Variants in FN1 observed in about 807,000 individuals in gnomAD.
FN1 encodes the protein fibronectin.
FN1 carries 106 observed loss-of-function variants against 297.3 expected under a neutral mutation model. The ratio of observed to expected loss-of-function variants is 0.36; its 90% CI spans 0.30 to 0.42. The LOEUF is 0.42. Among genes scored for constraint, FN1 ranks in the 10% least tolerant of loss-of-function variants. The pLI is 1.00. For synonymous variants in FN1, 1,149 were observed against 1,152.6 expected (o/e 1.00, Z 0.06); for missense variants, 2,690 against 3,124.9 (o/e 0.86, Z 3.32).
At chr2:215,392,613 G>T in intron 25 of FN1, 1 of 376,884 alleles carries the variant, frequency 2.7e-6, no homozygotes, top group South Asian at 2.5e-5. Context: ...ATTCGTGTTT[G>T]GTATTTAAGA....
chr2:215,407,958 A>ACACACACACGC, intron 17 of FN1, 150 bp downstream of exon 17: 2 of 92,286 alleles, frequency 2.2e-5, no homozygotes, highest in East Asian at 2.9e-3. Context: ...CCCCCGCCAC[A>ACACACACACGC]CACACACACA....
At chr2:215,435,589 C>T (rs2067331212) in intron 1 of FN1, 66 bp downstream of exon 1, 2 of 1,605,014 alleles carry the variant, frequency 1.2e-6, no homozygotes, top group Non-Finnish European at 1.7e-6. Context: ...ACTTCAGCCC[C>T]AACTTTGGTC....
At position 215,401,241 on chromosome 2, in the gene FN1, A is replaced by AG. The variant is rs1341522472; in HGVS notation, c.3254-1891dup. 3.1e-3 allele frequency among the ~76,000 whole-genome samples: 152 copies of AG among 48,852 alleles called. 4 individuals are homozygous for AG. The highest frequency in any genetic ancestry group is 8.8e-3 in the African/African-American group (127 of 14,508). 32.0% of individuals were successfully genotyped at this position (48,852 alleles called of 152,430 possible). On this transcript the variant is annotated intron_variant, in intron 20 of 45. Coordinates refer to ENST00000354785, the MANE Select transcript of FN1 (RefSeq NM_212482.4). Reference sequence around the variant, plus strand: ...AAGAAAGAAAGAAAGAAAGAAAGAAAGAAAGAAAGGAAGAAAGAAAGGAAG... The same window carrying AG: ...AAGAAAGAAAGAAAGAAAGAAAGAAAGGAAAGAAAGGAAGAAAGAAAGGAAG...
chr2:215,380,785 A>G, intron 33 of FN1, 26 bp downstream of exon 33: 18 of 1,612,224 alleles, frequency 1.1e-5, no homozygotes, highest in Non-Finnish European at 1.4e-5. Flanking sequence ...TCCCATGGGC[A>G]CCTGGTGGTG....
intron 12 of FN1, among the ~76,000 whole-genome samples, chr2:215,415,942 T>C (rs760613590): frequency 2.7e-4 from 41 of 152,168 alleles, no homozygotes; most frequent in Non-Finnish European, 5.1e-4. Context: ...TTGTGTCTTA[T>C]AGTAACCTTT....
intron 2 of FN1, among the ~76,000 whole-genome samples, 158 bp from the exon 3 acceptor site, chr2:215,433,619 G>C (rs147969944): frequency 6.6e-6 from 1 of 152,276 alleles, no homozygotes; most frequent in African/African-American, 2.4e-5. Context: ...TTTATCCTAA[G>C]CTCTAATAAG....
intron 25 of FN1, chr2:215,392,225 C>T: frequency 4.6e-6 from 1 of 219,000 alleles, no homozygotes; most frequent in South Asian, 6.6e-5. Flanking sequence ...CCTAAACTTC[C>T]CCCCATGTGA....
At chr2:215,366,345 T>G (rs1357509076) in intron 42 of FN1, among the ~76,000 whole-genome samples, 1 of 152,136 alleles carries the variant, frequency 6.6e-6, no homozygotes, top group East Asian at 1.9e-4. Context: ...CACTTTTGGA[T>G]TTGCAGAAAC....
At chr2:215,425,059 T>C (rs928389895) in intron 7 of FN1, 35 bp downstream of exon 7, 1 of 1,574,366 alleles carries the variant, frequency 6.4e-7, no homozygotes, top group Admixed American at 1.7e-5. Flanking sequence ...AATAATAAAG[T>C]CATCAGTCCT....
chr2:215,361,662 C>G (rs1559295904), intron 45 of FN1, 36 bp from the exon 46 acceptor site: 2 of 1,466,942 alleles, frequency 1.4e-6, no homozygotes, highest in South Asian at 2.3e-5. Flanking sequence ...AAATTAGTGG[C>G]AAATACTGTA....
chr2:215,397,662 G>A lies in FN1; in HGVS notation c.3517+18C>T, dbSNP rs1157099602. On this transcript the variant is annotated intron_variant, in intron 22 of 45. Coordinates refer to ENST00000354785, the MANE Select transcript of FN1 (RefSeq NM_212482.4). ...ACAGTTTTAAAAACTAATAGAAAAG[G>A]GAAAAAATTCTTCTTACGTGTCACC... 2 of 1,611,946 alleles carry A rather than the reference G, an allele frequency of 1.2e-6. No homozygotes were observed.
At chr2:215,411,511 C>T (rs2062620888) in intron 13 of FN1, among the ~76,000 whole-genome samples, 1 of 152,014 alleles carries the variant, frequency 6.6e-6, no homozygotes, top group Non-Finnish European at 1.5e-5. Flanking sequence ...AATCATTTTT[C>T]AACATGAGCT....
Position 215,373,385 on chromosome 2 carries a change from T to C in FN1, c.6184A>G (p.Ile2062Val), listed in dbSNP as rs761673606. Residue 2062 changes from isoleucine to valine, a missense_variant, in exon 39 of 46, where the codon ATT (isoleucine) becomes GTT (valine). Physicochemically the swap from Ile to Val is conservative, Grantham distance 29. Around this residue, in one of 3 missense-constraint regions of FN1, gnomAD observed 1,743 missense variants for 1,945.2 expected, o/e 0.90. Coordinates refer to ENST00000354785, the MANE Select transcript of FN1 (RefSeq NM_212482.4). ...TTATTCTTCAGGGCAATGACATAAATTGTATATTCGGTTCCCGGTTCCAGG... is the reference window on the plus strand; with the variant it reads ...TTATTCTTCAGGGCAATGACATAAACTGTATATTCGGTTCCCGGTTCCAGG... ...TGLEPGTEYT[I>V]YVIALKNNQK... 1.2e-6 allele frequency: 2 copies of C among 1,613,288 alleles called. No individual in the cohort carries two copies. The highest frequency in any genetic ancestry group is 1.7e-6 in the Non-Finnish European group (2 of 1,179,466).
At chr2:215,406,601 G>A in intron 18 of FN1, 91 bp from the exon 19 acceptor site, 1 of 1,355,688 alleles carries the variant, frequency 7.4e-7, no homozygotes, top group African/African-American at 1.4e-5. Flanking sequence ...GCAGTTCATT[G>A]AGCCTCTCAT....
At chr2:215,387,177 C>G (rs1405484459) in intron 27 of FN1, among the ~76,000 whole-genome samples, 1 of 152,136 alleles carries the variant, frequency 6.6e-6, no homozygotes, top group African/African-American at 2.4e-5. Flanking sequence ...ATAGCCAGCT[C>G]AAGCATTCAT....
intron 42 of FN1, among the ~76,000 whole-genome samples, chr2:215,367,094 T>C (rs1206574185): frequency 2.0e-5 from 3 of 152,182 alleles, no homozygotes; most frequent in East Asian, 1.9e-4. Flanking sequence ...TGTATGTCTA[T>C]AGGAGGCTTA....
chr2:215,386,539 T>C (rs2059015925), intron 28 of FN1, 150 bp downstream of exon 28: 1 of 672,972 alleles, frequency 1.5e-6, no homozygotes, highest in Admixed American at 2.9e-5. Context: ...TTTTCTCACT[T>C]CCCTCTCCAT....
chr2:215,394,978 A>G (rs1396099536), intron 23 of FN1, among the ~76,000 whole-genome samples: 1 of 152,110 alleles, frequency 6.6e-6, no homozygotes, highest in Non-Finnish European at 1.5e-5. Flanking sequence ...ATCTTGGCTC[A>G]CTTCAACCTC....
In FN1 at chr2:215,419,235, T is replaced by A. The variant is rs3796123; in HGVS notation, c.1819+7A>T. ...AGTTCTCAACTTGCAGTAATAGAGC[T>A]ACTTACTTGGATAGGTCTGTAAAGG... On this transcript the variant is annotated splice_region_variant and intron_variant, in intron 12 of 45. Coordinates refer to ENST00000354785, the MANE Select transcript of FN1 (RefSeq NM_212482.4). The A allele has an allele frequency of 0.26, 426,222 of 1,612,308 alleles. 70,263 individuals carry two copies. The highest frequency in any genetic ancestry group is 0.93 in the East Asian group (41,909 of 44,854).
Sources: allele counts gnomAD v4.1 joint callset (sites outside exome capture counted in the v4.1 genomes callset), GRCh38; gene constraint gnomAD v4.1.1; regional missense constraint gnomAD v4.1.1; transcripts MANE v1.5; gene names NCBI Gene and HGNC (gene_info 2026-07-23, HGNC 2026-07-21).